The following RFTN1 variants were observed in gnomAD, a reference collection of about 807,000 sequenced individuals.
The protein encoded by RFTN1 is raftlin.
RFTN1 carries 26 observed loss-of-function variants against 46.5 expected under a neutral mutation model. The ratio of observed to expected loss-of-function variants is 0.56; its 90% CI spans 0.41 to 0.78. The LOEUF (loss-of-function observed/expected upper bound fraction) is 0.78, where lower values mean the gene tolerates loss of function less well. Among genes scored for constraint, RFTN1 ranks in the 30% least tolerant of loss-of-function variants. The probability of loss-of-function intolerance (pLI) is 0.00; values close to 1 mark genes in which losing one functional copy is unlikely to be tolerated. For missense variants in RFTN1, 693 were observed against 718.7 expected, an observed-to-expected ratio of 0.96 and a Z score of 0.41; for synonymous variants, 261 against 284.2, an observed-to-expected ratio of 0.92 and a Z score of 0.82.
At chr3:16,393,753 G>T (rs1412540918) in intron 4 of RFTN1, among the ~76,000 whole-genome samples, 2 of 151,648 alleles carry the variant, frequency 1.3e-5, no homozygotes, top group Non-Finnish European at 2.9e-5. Context: ...CCACCTCCTG[G>T]GTTCACTCCA....
intron 2 of RFTN1, among the ~76,000 whole-genome samples, chr3:16,467,256 G>A (rs2076112294): frequency 6.6e-6 from 1 of 152,178 alleles, no homozygotes; most frequent in Admixed American, 6.5e-5. Context: ...ATGAGGGAAG[G>A]CAGGAGAATA....
chr3:16,496,103 T>C (rs955794350), intron 1 of RFTN1, among the ~76,000 whole-genome samples: 1 of 152,232 alleles, frequency 6.6e-6, no homozygotes, highest in Non-Finnish European at 1.5e-5. Flanking sequence ...ATCCAGAGAC[T>C]GAAATAAGCT....
rs141270916 is a variant in RFTN1 at position 16,476,947 on chromosome 3, G to A, written c.145+16778C>T. Among the ~76,000 whole-genome samples the A allele has an allele frequency of 1.1e-3, 161 of 152,196 alleles. 1 individual carries two copies. Among genetic ancestry groups the A allele is most frequent in the Middle Eastern group, 3.4e-3 (1 of 294 alleles). ...AAAAGCTATTTCTTAGTCATAAGGC[G>A]GATGACGACACCAAGATTTCCCATT... On this transcript the variant is annotated intron_variant, in intron 2 of 9. Coordinates refer to ENST00000334133, the MANE Select transcript of RFTN1 (RefSeq NM_015150.2).
intron 1 of RFTN1, among the ~76,000 whole-genome samples, chr3:16,494,495 A>G (rs1031704500): frequency 1.1e-4 from 16 of 152,240 alleles, no homozygotes; most frequent in African/African-American, 3.6e-4. Flanking sequence ...TATACTTCCA[A>G]GCTCTTAGAG....
rs1458387853 is a variant in RFTN1 at position 16,413,399 on chromosome 3, T to C, written c.333-3916A>G. Among the ~76,000 whole-genome samples, 2 of 152,228 alleles carry C rather than the reference T, an allele frequency of 1.3e-5. No individual in the cohort carries two copies. Among genetic ancestry groups the C allele is most frequent in the Admixed American group, 6.5e-5 (1 of 15,284 alleles). Reference sequence around the variant, plus strand: ...TATTCCGCTATCAATCTAGTTTCTATGGAAGAAGCATTAACCTGAAACTCC... The same window carrying C: ...TATTCCGCTATCAATCTAGTTTCTACGGAAGAAGCATTAACCTGAAACTCC... On this transcript the variant is annotated intron_variant, in intron 3 of 9. Transcript: ENST00000334133. This position sits in a 1 kb window ranked among gnomAD's most constrained non-coding sequence, Gnocchi z 4.7.
In RFTN1 at chr3:16,493,725, C is replaced by A; in HGVS notation, c.145G>T (p.Ala49Ser). The change falls in exon 2 of 10, where the codon GCG (alanine) becomes TCG (serine). Residue 49 changes from alanine to serine, a missense_variant and splice_region_variant. Transcript: ENST00000334133. ...RFLEFTTLSA[A>S]ELPGSSAVRL... Reference sequence around the variant, plus strand: ...ATCCATTCCCACCCCATGTACTCACCAGCACTCAGAGTCGTGAACTCCAGG... The same window carrying A: ...ATCCATTCCCACCCCATGTACTCACAAGCACTCAGAGTCGTGAACTCCAGG... The A allele has an allele frequency of 6.2e-7, 1 of 1,613,334 alleles. No homozygotes were observed. The highest frequency in any genetic ancestry group is 1.7e-4 in the Middle Eastern group (1 of 6,058).
At chr3:16,462,409 ATTAAG>A (rs1226886326) in intron 2 of RFTN1, among the ~76,000 whole-genome samples, 1 of 152,248 alleles carries the variant, frequency 6.6e-6, no homozygotes, top group Non-Finnish European at 1.5e-5. Flanking sequence ...AAAGGATGTG[ATTAAG>A]TTAAGGACCT....
chr3:16,336,369 G>A lies in RFTN1; in HGVS notation c.1147-9493C>T, dbSNP rs1316088546. On this transcript the variant is annotated intron_variant, in intron 7 of 9. Transcript: ENST00000334133. The surrounding 1 kb of genome is among the most constrained non-coding windows in gnomAD (Gnocchi z 6.0). ...TGGTTCCCATCCAGTGGAGCCCATGGAGGTGAGGTGGAGGGAGGGAGAAGG... is the reference window on the plus strand; with the variant it reads ...TGGTTCCCATCCAGTGGAGCCCATGAAGGTGAGGTGGAGGGAGGGAGAAGG... Among the ~76,000 whole-genome samples, 3 of 152,204 alleles carry A rather than the reference G, an allele frequency of 2.0e-5. No individual in the cohort carries two copies. The highest frequency in any genetic ancestry group is 4.4e-5 in the Non-Finnish European group (3 of 68,026).
Position 16,367,807 on chromosome 3 carries a change from G to C in RFTN1, c.1030+2269C>G, listed in dbSNP as rs577751799. ...TGATCACCAAACCATAATGGTAGAG[G>C]AACAGCAAATGGGTTTGTGAACGTT... On this transcript the variant is annotated intron_variant, in intron 6 of 9. Transcript: ENST00000334133. 1.2e-4 allele frequency among the ~76,000 whole-genome samples: 19 copies of C among 152,296 alleles called. No individual in the cohort carries two copies. In the South Asian group the frequency reaches 3.9e-3, roughly 32 times the overall value.
At chr3:16,478,919 C>T (rs2124964833) in intron 2 of RFTN1, among the ~76,000 whole-genome samples, 1 of 152,278 alleles carries the variant, frequency 6.6e-6, no homozygotes, top group Admixed American at 6.5e-5. Context: ...ATGGAAGCTA[C>T]AATCTTTTTG....
At chr3:16,404,802 G>A (rs2074812320) in intron 4 of RFTN1, among the ~76,000 whole-genome samples, 1 of 152,010 alleles carries the variant, frequency 6.6e-6, no homozygotes, top group African/African-American at 2.4e-5. Flanking sequence ...TGGCCACTCT[G>A]AAGCCCCTTG....
Position 16,345,788 on chromosome 3 carries a change from CTG to C in RFTN1, c.1146+12142_1146+12143del, listed in dbSNP as rs370820242. 0.044 allele frequency among the ~76,000 whole-genome samples: 5,560 copies of C among 127,172 alleles called. 128 individuals are homozygous for C. The highest frequency in any genetic ancestry group is 0.06 in the Non-Finnish European group (3,518 of 58,600). The allele number at this position is 127,172 out of a possible 152,430, so 83.4% of individuals were successfully genotyped here. A position where few individuals can be genotyped will look rare whatever the true frequency, so the allele number is the denominator to read the frequency against. ...TGAGCCAAAACCTTATAATAAATCTCTGTGTGTGTGTGTGTGTGTGTGTGTGT... is the reference window on the plus strand; with the variant it reads ...TGAGCCAAAACCTTATAATAAATCTCTGTGTGTGTGTGTGTGTGTGTGTGT... On this transcript the variant is annotated intron_variant, in intron 7 of 9. Coordinates refer to ENST00000334133, the MANE Select transcript of RFTN1 (RefSeq NM_015150.2). The surrounding 1 kb of genome is among the most constrained non-coding windows in gnomAD (Gnocchi z 5.2).
At position 16,400,531 on chromosome 3, in the gene RFTN1, T is replaced by G. The variant is rs901722905; in HGVS notation, c.441+8844A>C. Among the ~76,000 whole-genome samples, 1 of 152,226 alleles carries G rather than the reference T, an allele frequency of 6.6e-6. No individual in the cohort carries two copies. The highest frequency in any genetic ancestry group is 1.5e-5 in the Non-Finnish European group (1 of 68,048). On this transcript the variant is annotated intron_variant, in intron 4 of 9. Coordinates refer to ENST00000334133, the MANE Select transcript of RFTN1 (RefSeq NM_015150.2). This position sits in a 1 kb window ranked among gnomAD's most constrained non-coding sequence, Gnocchi z 4.5. ...CAGGGCATTACCTAGACCGGCTTAC[T>G]AAAGTATTCCCAAACACTACCAGCA...
chr3:16,464,378 C>T (rs2124933987), intron 2 of RFTN1, among the ~76,000 whole-genome samples: 1 of 152,252 alleles, frequency 6.6e-6, no homozygotes, highest in East Asian at 1.9e-4. Flanking sequence ...ATATTTTAGC[C>T]CCCTACTCCT....
Position 16,465,368 on chromosome 3 carries a change from T to G in RFTN1, c.145+28357A>C, listed in dbSNP as rs186345142. ...TGCTGAACGCTTTCATCAAGGCAAT[T>G]CTCTGAGCACAGGAAAAAAATATCC... On this transcript the variant is annotated intron_variant, in intron 2 of 9. Transcript: ENST00000334133. This position sits in a 1 kb window ranked among gnomAD's most constrained non-coding sequence, Gnocchi z 5.1. Among the ~76,000 whole-genome samples, 5 of 151,694 alleles carry G rather than the reference T, an allele frequency of 3.3e-5. No individual in the cohort carries two copies. In the East Asian group the frequency reaches 9.7e-4, roughly 29 times the overall value.
At chr3:16,326,627 C>T in intron 8 of RFTN1, 146 bp downstream of exon 8, 1 of 631,232 alleles carries the variant, frequency 1.6e-6, no homozygotes, top group South Asian at 2.0e-5. Context: ...AATTCTGGCT[C>T]TGCTGCTTCC....
At position 16,503,931 on chromosome 3, in the gene RFTN1, A is replaced by G. The variant is rs189478955; in HGVS notation, c.-9+9511T>C. ...CATTTTTACCTTATTTGCTTCAGAT[A>G]GTTTATTTTTGGATAAATAGACATC... is the stretch of plus-strand genomic sequence containing the variant. On this transcript the variant is annotated intron_variant, in intron 1 of 9. Transcript: ENST00000334133. Among the ~76,000 whole-genome samples the G allele has an allele frequency of 1.5e-3, 232 of 152,358 alleles. 1 individual carries two copies. The highest frequency in any genetic ancestry group is 4.0e-3 in the African/African-American group (168 of 41,584).
intron 4 of RFTN1, among the ~76,000 whole-genome samples, 139 bp downstream of exon 4, chr3:16,409,220 GGGGGCTGCTTCCCTGT>G (rs1348084989): frequency 1.3e-5 from 2 of 152,230 alleles, no homozygotes; most frequent in Admixed American, 6.5e-5. Context: ...CAGCTCTGGA[GGGGGCTGCTTCCCTGT>G]GGGGCTGCCA....
Position 16,447,234 on chromosome 3 carries a change from T to C in RFTN1, c.146-13197A>G, listed in dbSNP as rs1030548511. On this transcript the variant is annotated intron_variant, in intron 2 of 9. Transcript: ENST00000334133. This position sits in a 1 kb window ranked among gnomAD's most constrained non-coding sequence, Gnocchi z 5.9. ...CATTTTAACAAATAATATTCCTCTG[T>C]CTTATGACATCACAAAAGATTCAAC... Among the ~76,000 whole-genome samples the C allele has an allele frequency of 6.6e-6, 1 of 152,224 alleles. No individual in the cohort carries two copies. Among genetic ancestry groups the C allele is most frequent in the African/African-American group, 2.4e-5 (1 of 41,448 alleles).
Sources: allele counts gnomAD v4.1 joint callset (sites outside exome capture counted in the v4.1 genomes callset), GRCh38; gene constraint gnomAD v4.1.1; non-coding constraint Gnocchi (gnomAD v3.1); transcripts MANE v1.5; gene names NCBI Gene and HGNC (gene_info 2026-07-23, HGNC 2026-07-21).